The following AACS variants were observed in gnomAD, a reference collection of about 807,000 sequenced individuals.
AACS encodes acetoacetate-CoA ligase.
Under a neutral mutation model 83.1 loss-of-function variants are expected in AACS, and 69 were observed. The observed-to-expected ratio is 0.83, with a 90% CI of 0.68 to 1.01. The LOEUF is 1.01. Ranked by LOEUF, AACS falls within the 50% of genes least tolerant of loss-of-function variation. The pLI is 0.00. For missense variants in AACS, 866 were observed against 882.2 expected, an observed-to-expected ratio of 0.98 and a Z score of 0.23; for synonymous variants, 333 against 343.4, an observed-to-expected ratio of 0.97 and a Z score of 0.33.
chr12:125,106,704 C>T (rs2297479), intron 7 of AACS, among the ~76,000 whole-genome samples: 8,644 of 152,248 alleles, frequency 0.057, 525 homozygotes, highest in African/African-American at 0.15. Flanking sequence ...GTTTGCTAAT[C>T]AGGTGATCAA....
intron 1 of AACS, among the ~76,000 whole-genome samples, chr12:125,070,959 A>G (rs1955845214): frequency 6.6e-6 from 1 of 152,230 alleles, no homozygotes; most frequent in Non-Finnish European, 1.5e-5. Context: ...CTGGTGACAA[A>G]TCAGCCCAAA....
intron 17 of AACS, chr12:125,138,999 C>G (rs550571750): frequency 6.6e-6 from 1 of 152,320 alleles, no homozygotes; most frequent in Admixed American, 6.5e-5. Flanking sequence ...TGTTGCAGGT[C>G]TGACCCTTCA....
intron 17 of AACS, among the ~76,000 whole-genome samples, chr12:125,137,133 G>A (rs371973689): frequency 3.7e-4 from 57 of 152,238 alleles, no homozygotes; most frequent in African/African-American, 1.3e-3. Context: ...CCTGGTTTTA[G>A]TGTATTCTCA....
In AACS at chr12:125,113,622, C is replaced by T. The variant is rs1023093597; in HGVS notation, c.916-855C>T. Among the ~76,000 whole-genome samples the T allele has an allele frequency of 1.3e-5, 2 of 152,164 alleles. No individual in the cohort carries two copies. Among genetic ancestry groups the T allele is most frequent in the African/African-American group, 2.4e-5 (1 of 41,420 alleles). On this transcript the variant is annotated intron_variant, in intron 8 of 17. Coordinates refer to ENST00000316519, the MANE Select transcript of AACS (RefSeq NM_023928.5). The surrounding 1 kb of genome is among the most constrained non-coding windows in gnomAD (Gnocchi z 4.8). ...TTGTAAACAGACATGAGGGAGCTCC[C>T]GGCATGCCAAGGAAGAGCTCCCAGG...
chr12:125,095,943 C>T (rs1956596610), intron 5 of AACS, among the ~76,000 whole-genome samples: 1 of 152,178 alleles, frequency 6.6e-6, no homozygotes, highest in Non-Finnish European at 1.5e-5. Flanking sequence ...CCTGCCTTAT[C>T]AGGGTTAGGG....
chr12:125,131,745 C>A (rs10744194), intron 14 of AACS, among the ~76,000 whole-genome samples: 1 of 151,676 alleles, frequency 6.6e-6, no homozygotes, highest in African/African-American at 2.4e-5. Context: ...ATTACAGGCG[C>A]GCGCCACCAC....
chr12:125,094,706 C>T lies in AACS; in HGVS notation c.570+3183C>T, dbSNP rs1956565003. On this transcript the variant is annotated intron_variant, in intron 5 of 17. Coordinates refer to ENST00000316519, the MANE Select transcript of AACS (RefSeq NM_023928.5). This position sits in a 1 kb window ranked among gnomAD's most constrained non-coding sequence, Gnocchi z 4.1. ...GCCTGCTCTCTGCTGGCTGCCTGGG[C>T]ATCTCAGCTTGCCTTACTAATGCTT... 6.6e-6 allele frequency among the ~76,000 whole-genome samples: 1 copy of T among 152,202 alleles called. No homozygotes were observed. The highest frequency in any genetic ancestry group is 1.5e-5 in the Non-Finnish European group (1 of 68,026).
chr12:125,131,777 T>G (rs1258865834), intron 14 of AACS, among the ~76,000 whole-genome samples: 1 of 152,224 alleles, frequency 6.6e-6, no homozygotes, highest in Non-Finnish European at 1.5e-5. Flanking sequence ...TTTTGTATTT[T>G]TAGCGGAGAC....
In AACS at chr12:125,065,640, G is replaced by A; in HGVS notation, c.56G>A (p.Trp19Ter). The change falls in exon 1 of 18, where the codon TGG becomes TAG. Residue 19 changes from tryptophan to a stop codon, truncating the protein, a stop_gained. Coordinates refer to ENST00000316519, the MANE Select transcript of AACS (RefSeq NM_023928.5). LOFTEE classifies it high-confidence loss of function. ...REEILECQVMWEPDSKKNTQM... is the reference protein window; with the variant it reads ...REEILECQVM ...GAGATCCTGGAGTGCCAGGTGATGT[G>A]GGAGCCTGACAGTAAGAAGAACACG... 2 of 1,545,616 alleles carry A rather than the reference G, an allele frequency of 1.3e-6. No homozygotes were observed. Among genetic ancestry groups the A allele is most frequent in the Non-Finnish European group, 1.7e-6 (2 of 1,144,516 alleles).
intron 5 of AACS, among the ~76,000 whole-genome samples, 195 bp downstream of exon 5, chr12:125,091,718 G>A (rs1441777509): frequency 2.0e-5 from 3 of 152,240 alleles, no homozygotes; most frequent in Admixed American, 6.5e-5. Flanking sequence ...CAGTCCTGAC[G>A]TTCCCCCACT....
In AACS at chr12:125,142,127, C is replaced by CA; in HGVS notation, c.1920dup (p.Gln641ThrfsTer28). 3.7e-6 allele frequency: 6 copies of CA among 1,614,128 alleles called. No homozygotes were observed. Among genetic ancestry groups the CA allele is most frequent in the Non-Finnish European group, 5.1e-6 (6 of 1,180,034 alleles). ...ACGGCAAGAAAGTGGAAGTTGCCGTCAAACAGATCATCGCTGGAAAAGCCG... is the reference window on the plus strand; with the variant it reads ...ACGGCAAGAAAGTGGAAGTTGCCGTCAAAACAGATCATCGCTGGAAAAGCCG... On this transcript the variant is annotated frameshift_variant, in exon 18 of 18. Transcript: ENST00000316519. LOFTEE classifies it high-confidence loss of function.
chr12:125,136,531 G>GGA, intron 16 of AACS, 131 bp from the exon 17 acceptor site: 2 of 672,160 alleles, frequency 3.0e-6, no homozygotes, highest in Non-Finnish European at 5.1e-6. Context: ...GGGTGGACTG[G>GGA]GAGAACACAG....
intron 14 of AACS, among the ~76,000 whole-genome samples, chr12:125,133,357 G>T (rs572936106): frequency 6.6e-6 from 1 of 152,338 alleles, no homozygotes; most frequent in South Asian, 2.1e-4. Flanking sequence ...TGCCACCCCA[G>T]CGTGCAGGCC....
chr12:125,084,031 A>G (rs1339962445), intron 3 of AACS, among the ~76,000 whole-genome samples: 1 of 152,192 alleles, frequency 6.6e-6, no homozygotes, highest in African/African-American at 2.4e-5. Flanking sequence ...TGCCAATCTT[A>G]GAAGGTCACC....
intron 3 of AACS, among the ~76,000 whole-genome samples, chr12:125,084,750 T>TA (rs1190880748): frequency 6.6e-6 from 1 of 152,104 alleles, no homozygotes; most frequent in Non-Finnish European, 1.5e-5. Context: ...GGCTAATTTT[T>TA]AAAAATTTTT....
chr12:125,085,658 T>G (rs1432438926), intron 3 of AACS, among the ~76,000 whole-genome samples: 1 of 152,194 alleles, frequency 6.6e-6, no homozygotes, highest in Non-Finnish European at 1.5e-5. Context: ...GTACTCTGTT[T>G]ATGGAGGATG....
At chr12:125,102,829 G>A in intron 6 of AACS, 36 bp downstream of exon 6, 1 of 1,594,242 alleles carries the variant, frequency 6.3e-7, no homozygotes, top group Non-Finnish European at 8.6e-7. Context: ...CGGCATGGCT[G>A]GGTGTGTGTG....
intron 4 of AACS, among the ~76,000 whole-genome samples, chr12:125,090,329 A>G (rs1265527332): frequency 6.7e-6 from 1 of 149,556 alleles, no homozygotes; most frequent in African/African-American, 2.5e-5. Context: ...AACTGTCTAT[A>G]CATTCTTCTC....
intron 4 of AACS, among the ~76,000 whole-genome samples, chr12:125,087,908 G>A (rs1160061001): frequency 1.3e-5 from 2 of 152,182 alleles, no homozygotes; most frequent in Admixed American, 6.5e-5. Flanking sequence ...AGCCCTTGGC[G>A]GCCTGTTCTC....
Sources: allele counts gnomAD v4.1 joint callset (sites outside exome capture counted in the v4.1 genomes callset), GRCh38; gene constraint gnomAD v4.1.1; non-coding constraint Gnocchi (gnomAD v3.1); transcripts MANE v1.5; gene names NCBI Gene and HGNC (gene_info 2026-07-23, HGNC 2026-07-21).